Variants in CCDC85A observed in about 807,000 individuals in gnomAD.
CCDC85A encodes coiled-coil domain-containing protein 85A.
Under a neutral mutation model 50.2 loss-of-function variants are expected in CCDC85A, and 38 were observed. The ratio of observed to expected loss-of-function variants is 0.76; its 90% confidence interval spans 0.58 to 0.99. The LOEUF is 0.99. Among genes scored for constraint, CCDC85A ranks in the 50% least tolerant of loss-of-function variants. CCDC85A has a pLI of 0.00. For synonymous variants in CCDC85A, 366 were observed against 301.4 expected (o/e 1.21, Z -2.22); for missense variants, 820 against 742.0 (o/e 1.11, Z -1.22).
chr2:56,300,494 T>G (rs1269720775), intron 2 of CCDC85A, among the ~76,000 whole-genome samples: 1 of 152,146 alleles, frequency 6.6e-6, no homozygotes, highest in Non-Finnish European at 1.5e-5. Context: ...GTAGGGGTGA[T>G]GCTGAACCTG....
intron 2 of CCDC85A, among the ~76,000 whole-genome samples, chr2:56,220,661 G>T (rs1668286097): frequency 6.6e-6 from 1 of 152,022 alleles, no homozygotes; most frequent in Admixed American, 6.6e-5. Flanking sequence ...TCTCAGTAGT[G>T]AAATGACGTT....
At position 56,372,477 on chromosome 2, in the gene CCDC85A, C is replaced by G; in HGVS notation, c.1451C>G (p.Pro484Arg). 1 of 1,594,104 alleles carries G rather than the reference C, an allele frequency of 6.3e-7. No homozygotes were observed. The highest frequency in any genetic ancestry group is 8.6e-7 in the Non-Finnish European group (1 of 1,168,892). ...ATAGGACGATGCCTGCCTACTCTCC[C>G]GGTGAGTGAAGATGAGTCAGCTGGA... ...RGIGRCLPTLPGSFRLSSGAD... is the reference protein window; with the variant it reads ...RGIGRCLPTLRGSFRLSSGAD... Residue 484 changes from proline to arginine, a missense_variant and splice_region_variant, in exon 4 of 6, where the codon CCG becomes CGG. Physicochemically the swap from Pro to Arg is moderately radical, Grantham distance 103. Coordinates refer to ENST00000407595, the MANE Select transcript of CCDC85A (RefSeq NM_001080433.2).
At chr2:56,218,526 C>T (rs189092288) in intron 2 of CCDC85A, among the ~76,000 whole-genome samples, 2 of 152,030 alleles carry the variant, frequency 1.3e-5, no homozygotes, top group African/African-American at 2.4e-5. Flanking sequence ...TGATACTCAA[C>T]ATGCTGTTTT....
chr2:56,322,904 T>A (rs140311136), intron 2 of CCDC85A, among the ~76,000 whole-genome samples: 1,849 of 152,180 alleles, frequency 0.012, 49 homozygotes, highest in African/African-American at 0.041. Context: ...CAAATGTCCA[T>A]CAATGATAGA....
intron 2 of CCDC85A, among the ~76,000 whole-genome samples, chr2:56,277,200 A>C (rs565790137): frequency 9.8e-5 from 15 of 152,298 alleles, no homozygotes; most frequent in African/African-American, 3.6e-4. Flanking sequence ...GTTTCTACCT[A>C]TGCCTTTTAT....
At chr2:56,377,925 G>A (rs1676415048) in intron 5 of CCDC85A, among the ~76,000 whole-genome samples, 1 of 151,924 alleles carries the variant, frequency 6.6e-6, no homozygotes, top group Admixed American at 6.6e-5. Flanking sequence ...TTCAAGAGAG[G>A]GAGATTTTAT....
intron 3 of CCDC85A, among the ~76,000 whole-genome samples, chr2:56,366,376 G>A (rs2104380425): frequency 6.6e-6 from 1 of 152,244 alleles, no homozygotes; most frequent in Non-Finnish European, 1.5e-5. Flanking sequence ...CCCACCAGCA[G>A]TGTGCAAGGG....
At chr2:56,239,599 T>C (rs1669167673) in intron 2 of CCDC85A, among the ~76,000 whole-genome samples, 1 of 152,198 alleles carries the variant, frequency 6.6e-6, no homozygotes, top group African/African-American at 2.4e-5. Flanking sequence ...ATTCATTTTA[T>C]GATGATGATT....
chr2:56,293,962 C>T (rs1224524663), intron 2 of CCDC85A, among the ~76,000 whole-genome samples: 1 of 152,140 alleles, frequency 6.6e-6, no homozygotes, highest in East Asian at 1.9e-4. Context: ...TGGGTATACA[C>T]CCAAAGGAAT....
At chr2:56,221,140 C>A (rs969820987) in intron 2 of CCDC85A, among the ~76,000 whole-genome samples, 5 of 151,962 alleles carry the variant, frequency 3.3e-5, no homozygotes, top group African/African-American at 1.2e-4. Flanking sequence ...AAGAGATTAG[C>A]CACGTAGAAC....
At chr2:56,276,083 A>G (rs959299988) in intron 2 of CCDC85A, among the ~76,000 whole-genome samples, 1 of 152,096 alleles carries the variant, frequency 6.6e-6, no homozygotes, top group Non-Finnish European at 1.5e-5. Context: ...GCTTTGAGGG[A>G]ATTTTACATC....
At chr2:56,310,260 G>C (rs1055177559) in intron 2 of CCDC85A, among the ~76,000 whole-genome samples, 7 of 152,128 alleles carry the variant, frequency 4.6e-5, no homozygotes, top group Admixed American at 1.3e-4. Context: ...ATTTTGACAA[G>C]GGAGAAGTCT....
At position 56,280,049 on chromosome 2, in the gene CCDC85A, C is replaced by T. The variant is rs191593377; in HGVS notation, c.1241-62830C>T. Among the ~76,000 whole-genome samples the T allele has an allele frequency of 9.8e-5, 15 of 152,310 alleles. 1 individual carries two copies. In the East Asian group the frequency reaches 2.3e-3, roughly 24 times the overall value. On this transcript the variant is annotated intron_variant, in intron 2 of 5. Coordinates refer to ENST00000407595, the MANE Select transcript of CCDC85A (RefSeq NM_001080433.2). ...AGGAATATGGCATTTTAAAATTCCT[C>T]GTGAACTACATACTATCCTCACCCC... is the stretch of plus-strand genomic sequence containing the variant.
chr2:56,212,593 A>T (rs541695338), intron 2 of CCDC85A, among the ~76,000 whole-genome samples: 1 of 152,154 alleles, frequency 6.6e-6, no homozygotes, highest in African/African-American at 2.4e-5. Context: ...ATGTATCTTG[A>T]TTATATATTT....
intron 2 of CCDC85A, among the ~76,000 whole-genome samples, chr2:56,242,743 C>T (rs80233407): frequency 0.039 from 6,006 of 152,220 alleles, 212 homozygotes; most frequent in Admixed American, 0.12. Context: ...TTGTTTCACT[C>T]ACTGTGCAGA....
chr2:56,207,500 T>A (rs2103868320), intron 2 of CCDC85A, among the ~76,000 whole-genome samples: 2 of 152,322 alleles, frequency 1.3e-5, no homozygotes, highest in Middle Eastern at 6.8e-3. Flanking sequence ...TCAGGCATAT[T>A]TCTAGTCCAG....
chr2:56,373,722 G>A (rs997105266), intron 4 of CCDC85A, among the ~76,000 whole-genome samples: 1 of 152,188 alleles, frequency 6.6e-6, no homozygotes, highest in African/African-American at 2.4e-5. Context: ...CTAAGTCAGA[G>A]GAAATATGGC....
In CCDC85A at chr2:56,384,291, C is replaced by T; in HGVS notation, c.1598C>T (p.Ala533Val). The change falls in exon 6 of 6, where the codon GCT becomes GTT. Residue 533 changes from alanine (A) to valine (V), a missense_variant. Coordinates refer to ENST00000407595, the MANE Select transcript of CCDC85A (RefSeq NM_001080433.2). The part of the protein sequence containing the change: ...LKVVWRKLGD[A>V]AGSCPGIRQH... ...GTTGTGTGGAGGAAACTTGGAGATGCTGCAGGTTCGTGTCCTGGAATTAGG... is the reference window on the plus strand; with the variant it reads ...GTTGTGTGGAGGAAACTTGGAGATGTTGCAGGTTCGTGTCCTGGAATTAGG... 6.2e-7 allele frequency: 1 copy of T among 1,610,830 alleles called. No homozygotes were observed. Among genetic ancestry groups the T allele is most frequent in the Non-Finnish European group, 8.5e-7 (1 of 1,178,002 alleles).
chr2:56,374,191 A>T (rs1676219775), intron 4 of CCDC85A, among the ~76,000 whole-genome samples: 1 of 152,200 alleles, frequency 6.6e-6, no homozygotes, highest in South Asian at 2.1e-4. Context: ...GAAGCCACGT[A>T]CATGCCATAT....
Sources: gnomAD v4.1 joint callset for allele counts (sites outside exome capture counted in the v4.1 genomes callset) on GRCh38, gnomAD v4.1.1 for gene constraint, MANE v1.5 for transcripts, NCBI Gene and HGNC (gene_info 2026-07-23, HGNC 2026-07-21) for gene names.